Variants in GINS4 observed in about 807,000 individuals in gnomAD.
GINS4 encodes the protein DNA replication complex GINS protein SLD5.
In GINS4, 20 loss-of-function variants were observed where a neutral mutation model predicts 31.1. The ratio of observed to expected loss-of-function variants is 0.64; its 90% CI spans 0.45 to 0.93. GINS4 has a LOEUF of 0.93. GINS4 is among the 40% of genes least tolerant of loss of function. The pLI is 0.00. For missense variants in GINS4, 245 were observed against 273.9 expected (o/e 0.89, Z 0.75); for synonymous variants, 85 against 97.9 (o/e 0.87, Z 0.78).
rs754535027 is a variant in GINS4, at chr8:41,530,211, A to C, written c.9A>C (p.Glu3Asp). 1 of 1,613,092 alleles carries C rather than the reference A, an allele frequency of 6.2e-7. No homozygotes were observed. The change falls in exon 2 of 8, where the codon GAA becomes GAC. Residue 3 changes from glutamate to aspartate, a missense_variant. Transcript: ENST00000276533. MT[E>D]EVDFLGQDSD... ...TCCTGGTTTCAGAGAAGATGACCGA[A>C]GAAGTGGATTTCCTGGGACAGGACT...
intron 2 of GINS4, 71 bp downstream of exon 2, chr8:41,530,369 A>G (rs1585617723): frequency 9.0e-7 from 1 of 1,106,376 alleles, no homozygotes; most frequent in East Asian, 2.4e-5. Flanking sequence ...AATATCAGGG[A>G]TCACAAGATG....
intron 2 of GINS4, among the ~76,000 whole-genome samples, chr8:41,531,748 C>T (rs1806650762): frequency 6.6e-6 from 1 of 152,086 alleles, no homozygotes. Context: ...GTTTGTGGAA[C>T]AGCATTAAGA....
intron 2 of GINS4, among the ~76,000 whole-genome samples, chr8:41,535,317 AAC>A (rs2150458734): frequency 6.6e-6 from 1 of 152,320 alleles, no homozygotes; most frequent in Non-Finnish European, 1.5e-5. Flanking sequence ...CAGCCTGGGC[AAC>A]AGAGTGAGAC....
In GINS4 at chr8:41,542,025, C is replaced by T. The variant is rs747997128; in HGVS notation, c.610C>T (p.His204Tyr). The T allele has an allele frequency of 1.2e-5, 20 of 1,614,004 alleles. No homozygotes were observed. The highest frequency in any genetic ancestry group is 1.6e-5 in the Non-Finnish European group (19 of 1,180,002). The change falls in exon 8 of 8, where the codon CAC (histidine) becomes TAC (tyrosine). Residue 204 changes from histidine (H) to tyrosine (Y), a missense_variant. Coordinates refer to ENST00000276533, the MANE Select transcript of GINS4 (RefSeq NM_032336.3). ...GATTGACCTGGAGAAGGGCTCACAG[C>T]ACTTGATCCGATACAAAACCATTGC... is the stretch of plus-strand genomic sequence containing the variant. ...YVIDLEKGSQ[H>Y]LIRYKTIAPL...
chr8:41,538,446 A>G (rs947419457), intron 4 of GINS4, among the ~76,000 whole-genome samples: 2 of 152,204 alleles, frequency 1.3e-5, no homozygotes, highest in African/African-American at 4.8e-5. Context: ...ATTGACAGGT[A>G]CGCTGCCTGA....
At position 41,544,538 on chromosome 8, in the gene GINS4, C is replaced by A. The variant is rs531858358; in HGVS notation, c.*2451C>A. Reference sequence around the variant, plus strand: ...GTAGGTTCTGCCTGAAGCCCAAGTTCATTTAGTATGTCATGGTTAATTCAG... The same window carrying A: ...GTAGGTTCTGCCTGAAGCCCAAGTTAATTTAGTATGTCATGGTTAATTCAG... On this transcript the variant is annotated 3_prime_UTR_variant, in exon 8 of 8. Coordinates refer to ENST00000276533, the MANE Select transcript of GINS4 (RefSeq NM_032336.3). 1.2e-4 allele frequency: 19 copies of A among 152,252 alleles called. No homozygotes were observed. The highest frequency in any genetic ancestry group is 4.3e-4 in the African/African-American group (18 of 41,544). The allele number at this position is 152,252 out of a possible 1,614,324, so 9.4% of individuals were successfully genotyped here.
At chr8:41,532,316 G>A (rs1806660286) in intron 2 of GINS4, among the ~76,000 whole-genome samples, 1 of 150,966 alleles carries the variant, frequency 6.6e-6, no homozygotes, top group African/African-American at 2.4e-5. Context: ...TTAGTAATCA[G>A]GAAAATGAAA....
rs1260064394 is a variant in GINS4 at position 41,543,131 on chromosome 8, CTG to C, written c.*1048_*1049del. 3.3e-5 allele frequency: 5 copies of C among 152,250 alleles called. No individual in the cohort carries two copies. The highest frequency in any genetic ancestry group is 4.8e-5 in the African/African-American group (2 of 41,460). 9.4% of individuals were successfully genotyped at this position (152,250 alleles called of 1,614,324 possible). ...CCTTCTCCCGTCATACATCATTAGA[CTG>C]TGTAAACTAACATTTTAGAACCTCT... is the stretch of plus-strand genomic sequence containing the variant. On this transcript the variant is annotated 3_prime_UTR_variant, in exon 8 of 8. Coordinates refer to ENST00000276533, the MANE Select transcript of GINS4 (RefSeq NM_032336.3).
intron 6 of GINS4, 57 bp from the exon 7 acceptor site, chr8:41,541,752 A>G (rs1806844365): frequency 7.1e-7 from 1 of 1,401,528 alleles, no homozygotes; most frequent in Non-Finnish European, 1.0e-6. Context: ...AGCAACTTTT[A>G]CTTTGTTGAC....
chr8:41,531,709 A>C, intron 2 of GINS4, among the ~76,000 whole-genome samples: 1 of 152,196 alleles, frequency 6.6e-6, no homozygotes, highest in Non-Finnish European at 1.5e-5. Context: ...AGGGGATCAG[A>C]GATCCCCTGA....
chr8:41,539,934 G>C lies in GINS4; in HGVS notation c.414G>C (p.Glu138Asp). The C allele has an allele frequency of 6.2e-7, 1 of 1,614,126 alleles. No homozygotes were observed. Among genetic ancestry groups the C allele is most frequent in the African/African-American group, 1.3e-5 (1 of 75,042 alleles). The change falls in exon 6 of 8, where the codon GAG (glutamate) becomes GAC (aspartate). Residue 138 changes from glutamate (E) to aspartate (D), a missense_variant. By Grantham distance (45) the Glu-to-Asp change is conservative. Coordinates refer to ENST00000276533, the MANE Select transcript of GINS4 (RefSeq NM_032336.3). Reference sequence around the variant, plus strand: ...CTTTCAGGTTCATGGCGAACACAGAGTCCTATCTGAAAAATGTCGCCTTGA... The same window carrying C: ...CTTTCAGGTTCATGGCGAACACAGACTCCTATCTGAAAAATGTCGCCTTGA... The part of the protein sequence containing the change: ...AFAREFMANT[E>D]SYLKNVALKH...
chr8:41,531,949 G>A (rs528964193), intron 2 of GINS4, among the ~76,000 whole-genome samples: 2 of 152,218 alleles, frequency 1.3e-5, no homozygotes, highest in Admixed American at 6.5e-5. Flanking sequence ...GCACCACCAC[G>A]CCTGGCTACT....
At chr8:41,540,303 G>C in intron 6 of GINS4, 1 of 439,676 alleles carries the variant, frequency 2.3e-6, no homozygotes, top group Admixed American at 3.7e-5. Flanking sequence ...CCTCTGTGAG[G>C]TGCTGGCAGC....
Position 41,545,020 on chromosome 8 carries a change from G to T in GINS4, c.*2933G>T, listed in dbSNP as rs894814036. 1 of 152,180 alleles carries T rather than the reference G, an allele frequency of 6.6e-6. No individual in the cohort carries two copies. Among genetic ancestry groups the T allele is most frequent in the African/African-American group, 2.4e-5 (1 of 41,446 alleles). The allele number at this position is 152,180 out of a possible 1,614,324, so 9.4% of individuals were successfully genotyped here. ...GTCATTTTTAAATAAAGGAGAAGTT[G>T]AATTTCAAAACCAAGTGGAACAGGA... On this transcript the variant is annotated 3_prime_UTR_variant, in exon 8 of 8. Transcript: ENST00000276533.
intron 2 of GINS4, among the ~76,000 whole-genome samples, chr8:41,533,167 C>T (rs1003908189): frequency 6.6e-6 from 1 of 152,174 alleles, no homozygotes; most frequent in Non-Finnish European, 1.5e-5. Flanking sequence ...CCTGAAACAG[C>T]ATGAATAACA....
intron 6 of GINS4, 21 bp from the exon 7 acceptor site, chr8:41,541,788 A>C (rs1402412106): frequency 6.3e-7 from 1 of 1,594,690 alleles, no homozygotes; most frequent in Non-Finnish European, 8.6e-7. Context: ...TTTCCTAATC[A>C]CATTGTTGTT....
chr8:41,544,965 T>A lies in GINS4; in HGVS notation c.*2878T>A, dbSNP rs1326322332. ...ACAGTAAATTGCTCCATTTCCTAAA[T>A]TACCTCTTCAAGAGAAGACTGGTTT... On this transcript the variant is annotated 3_prime_UTR_variant, in exon 8 of 8. Coordinates refer to ENST00000276533, the MANE Select transcript of GINS4 (RefSeq NM_032336.3). The A allele has an allele frequency of 1.3e-5, 2 of 152,170 alleles. No individual in the cohort carries two copies. The highest frequency in any genetic ancestry group is 4.8e-5 in the African/African-American group (2 of 41,438). 9.4% of individuals were successfully genotyped at this position (152,170 alleles called of 1,614,324 possible). A position where few individuals can be genotyped will look rare whatever the true frequency, so the allele number is the denominator to read the frequency against.
At chr8:41,535,807 T>A (rs1472899924) in intron 2 of GINS4, among the ~76,000 whole-genome samples, 1 of 152,218 alleles carries the variant, frequency 6.6e-6, no homozygotes, top group Non-Finnish European at 1.5e-5. Flanking sequence ...TGAGCGCCTG[T>A]TTCTATTATG....
chr8:41,533,031 T>C (rs1360129144), intron 2 of GINS4, among the ~76,000 whole-genome samples: 1 of 152,156 alleles, frequency 6.6e-6, no homozygotes, highest in Non-Finnish European at 1.5e-5. Flanking sequence ...ACATCCACAG[T>C]ATGTTCACAC....
Sources: allele counts gnomAD v4.1 joint callset (sites outside exome capture counted in the v4.1 genomes callset), GRCh38; gene constraint gnomAD v4.1.1; transcripts MANE v1.5; gene names NCBI Gene and HGNC (gene_info 2026-07-23, HGNC 2026-07-21).